The following ZFHX3 variants were observed in gnomAD, a reference collection of about 807,000 sequenced individuals.
The protein encoded by ZFHX3 is zinc finger homeobox 3.
ZFHX3 carries 42 observed loss-of-function variants against 279.1 expected under a neutral mutation model. The observed-to-expected ratio is 0.15, with a 90% CI of 0.12 to 0.19. The LOEUF (loss-of-function observed/expected upper bound fraction) is 0.19, where lower values mean the gene tolerates loss of function less well. ZFHX3 is among the 10% of genes least tolerant of loss of function. ZFHX3 has a pLI of 1.00. For synonymous variants in ZFHX3, 2,293 were observed against 1,957.8 expected, an observed-to-expected ratio of 1.17 and a Z score of -4.52; for missense variants, 4,981 against 4,754.0, an observed-to-expected ratio of 1.05 and a Z score of -1.40.
intron 2 of ZFHX3, among the ~76,000 whole-genome samples, chr16:73,532,668 T>C (rs973967807): frequency 6.6e-6 from 1 of 152,140 alleles, no homozygotes; most frequent in Non-Finnish European, 1.5e-5. Flanking sequence ...TGTGCCTACA[T>C]TTCCTTATTG....
chr16:73,442,031 T>C (rs181854226), intron 3 of ZFHX3, among the ~76,000 whole-genome samples: 63 of 152,254 alleles, frequency 4.1e-4, no homozygotes, highest in African/African-American at 1.3e-3. Context: ...TCTCCCCTTC[T>C]CCAGAGAGAC....
At chr16:73,242,008 G>C (rs1324537839) in intron 5 of ZFHX3, among the ~76,000 whole-genome samples, 4 of 152,126 alleles carry the variant, frequency 2.6e-5, no homozygotes, top group African/African-American at 4.8e-5. Flanking sequence ...GCTTAAATGA[G>C]ATAACAATGT....
At chr16:72,869,343 C>A (rs1276365837) in intron 4 of ZFHX3, among the ~76,000 whole-genome samples, 1 of 152,054 alleles carries the variant, frequency 6.6e-6, no homozygotes, top group Non-Finnish European at 1.5e-5. Flanking sequence ...CAACCAGAGG[C>A]TCAGTTATAG....
intron 2 of ZFHX3, among the ~76,000 whole-genome samples, chr16:73,673,818 G>A (rs1243663417): frequency 6.6e-6 from 1 of 152,096 alleles, no homozygotes; most frequent in Non-Finnish European, 1.5e-5. Context: ...GACTATAGGG[G>A]CAGTGAAGCT....
At chr16:73,656,093 A>G (rs1034379876) in intron 2 of ZFHX3, among the ~76,000 whole-genome samples, 2 of 152,220 alleles carry the variant, frequency 1.3e-5, no homozygotes, top group African/African-American at 4.8e-5. Flanking sequence ...TTGGCAAACT[A>G]TAGACCCAAA....
intron 5 of ZFHX3, among the ~76,000 whole-genome samples, chr16:73,220,230 C>G (rs955227977): frequency 6.6e-6 from 1 of 152,062 alleles, no homozygotes; most frequent in Non-Finnish European, 1.5e-5. Context: ...GGTTGAAAAA[C>G]TAACTTTTGG....
At position 73,127,290 on chromosome 16, in the gene ZFHX3, G is replaced by C. The variant is rs914470310; in HGVS notation, c.-897+3678C>G. On this transcript the variant is annotated intron_variant, in intron 7 of 17. Transcript: ENST00000641206. Reference sequence around the variant, plus strand: ...GGAATGTGGAGGAAACTGACAGGCAGAGAAGAGGGAAGAAGGAAACAGCCT... The same window carrying C: ...GGAATGTGGAGGAAACTGACAGGCACAGAAGAGGGAAGAAGGAAACAGCCT... The C allele has an allele frequency of 1.1e-5, 14 of 1,259,872 alleles. No individual in the cohort carries two copies. In the African/African-American group the frequency reaches 2.0e-4, roughly 18 times the overall value. 78.0% of individuals were successfully genotyped at this position (1,259,872 alleles called of 1,614,324 possible). A position where few individuals can be genotyped will look rare whatever the true frequency, so the allele number is the denominator to read the frequency against.
At chr16:73,659,908 A>C (rs1165569090) in intron 2 of ZFHX3, among the ~76,000 whole-genome samples, 1 of 152,200 alleles carries the variant, frequency 6.6e-6, no homozygotes, top group African/African-American at 2.4e-5. Context: ...GATTGAAAAA[A>C]AATTTTAGAT....
At chr16:73,088,296 C>A (rs1340772533) in intron 8 of ZFHX3, among the ~76,000 whole-genome samples, 3 of 152,002 alleles carry the variant, frequency 2.0e-5, no homozygotes, top group Non-Finnish European at 2.9e-5. Flanking sequence ...CAGCTGTGTG[C>A]CACCATGCCC....
intron 1 of ZFHX3, among the ~76,000 whole-genome samples, chr16:73,880,882 G>A (rs1006861076): frequency 6.6e-6 from 1 of 152,148 alleles, no homozygotes; most frequent in African/African-American, 2.4e-5. Flanking sequence ...ACATGTCTCT[G>A]CACCCCTTAT....
intron 1 of ZFHX3, chr16:73,812,501 G>C (rs1003378516): frequency 6.6e-6 from 1 of 152,170 alleles, no homozygotes; most frequent in Non-Finnish European, 1.5e-5. Context: ...TGTTTGGGCA[G>C]TTATTATGTC....
chr16:73,682,359 G>T (rs926929244), intron 1 of ZFHX3, among the ~76,000 whole-genome samples: 1 of 151,892 alleles, frequency 6.6e-6, no homozygotes, highest in Non-Finnish European at 1.5e-5. Context: ...TAATCATAAG[G>T]CACATGGGAA....
chr16:73,317,390 C>T (rs1239690937), intron 4 of ZFHX3, among the ~76,000 whole-genome samples: 2 of 152,154 alleles, frequency 1.3e-5, no homozygotes, highest in Non-Finnish European at 2.9e-5. Context: ...TCACAGCCAT[C>T]GCTGGGCCCT....
chr16:73,285,241 C>T (rs978108406), intron 4 of ZFHX3, among the ~76,000 whole-genome samples: 2 of 152,062 alleles, frequency 1.3e-5, no homozygotes, highest in Admixed American at 6.6e-5. Flanking sequence ...ATTAGGATAT[C>T]GATGCTCTGT....
intron 3 of ZFHX3, among the ~76,000 whole-genome samples, chr16:73,406,240 T>G (rs879818092): frequency 2.0e-5 from 3 of 152,250 alleles, no homozygotes; most frequent in Non-Finnish European, 4.4e-5. Flanking sequence ...GTAAAGCATT[T>G]CTGGTTGTGG....
chr16:73,053,708 A>C (rs1249313318), intron 1 of ZFHX3, among the ~76,000 whole-genome samples: 1 of 152,154 alleles, frequency 6.6e-6, no homozygotes, highest in Non-Finnish European at 1.5e-5. Flanking sequence ...CGCGACCCTC[A>C]GCCTTTGAAC....
In ZFHX3 at chr16:73,275,930, G is replaced by T. The variant is rs77762038; in HGVS notation, c.-1193-18794C>A. On this transcript the variant is annotated intron_variant, in intron 4 of 17. Coordinates refer to the ZFHX3 transcript ENST00000641206. ...TGAGACTTTTGAGCTTTATTCTATG[G>T]ACCGTATCCTTTGCTCCACACCTAA... is the stretch of plus-strand genomic sequence containing the variant. 3.3e-3 allele frequency among the ~76,000 whole-genome samples: 498 copies of T among 152,110 alleles called. 6 individuals carry two copies. Among genetic ancestry groups the T allele is most frequent in the East Asian group, 0.027 (138 of 5,164 alleles).
At chr16:73,205,152 G>T (rs113191092) in intron 5 of ZFHX3, among the ~76,000 whole-genome samples, 13 of 152,180 alleles carry the variant, frequency 8.5e-5, no homozygotes, top group African/African-American at 2.9e-4. Flanking sequence ...TTGAGTGAAG[G>T]GCTGAGTCCC....
intron 3 of ZFHX3, among the ~76,000 whole-genome samples, chr16:72,929,239 TAAAA>T (rs766113421): frequency 8.6e-6 from 1 of 116,878 alleles, no homozygotes. Context: ...AGACCCTGTC[TAAAA>T]AAAAAAAAAA....
Sources: gnomAD v4.1 joint callset for allele counts (sites outside exome capture counted in the v4.1 genomes callset) on GRCh38, gnomAD v4.1.1 for gene constraint, MANE v1.5 for transcripts, NCBI Gene and HGNC (gene_info 2026-07-23, HGNC 2026-07-21) for gene names.